ADCK1: variants seen among roughly 807,000 people sequenced by gnomAD.
The protein encoded by ADCK1 is aarF domain containing kinase 1.
ADCK1 carries 41 observed loss-of-function variants against 52.3 expected under a neutral mutation model. The observed-to-expected ratio is 0.78, with a 90% CI of 0.61 to 1.02. The LOEUF is 1.02. ADCK1 is among the 50% of genes least tolerant of loss of function. The probability of loss-of-function intolerance (pLI) is 0.00; values close to 1 mark genes in which losing one functional copy is unlikely to be tolerated. For missense variants in ADCK1, 658 were observed against 679.5 expected (o/e 0.97, Z 0.35); for synonymous variants, 250 against 274.6 (o/e 0.91, Z 0.89).
chr14:77,821,742 G>A (rs145848171), intron 2 of ADCK1, among the ~76,000 whole-genome samples: 174 of 151,928 alleles, frequency 1.1e-3, no homozygotes, highest in African/African-American at 4.1e-3. Context: ...TTAGCCGAGT[G>A]TGGTGGCATG....
intron 3 of ADCK1, among the ~76,000 whole-genome samples, chr14:77,836,329 A>G (rs763293690): frequency 2.0e-5 from 3 of 152,258 alleles, no homozygotes; most frequent in Non-Finnish European, 4.4e-5. Context: ...GGATTTTGTT[A>G]TAGAAGCACA....
chr14:77,863,233 T>C (rs2082589585), intron 4 of ADCK1, among the ~76,000 whole-genome samples: 1 of 152,240 alleles, frequency 6.6e-6, no homozygotes, highest in East Asian at 1.9e-4. Context: ...GACTGAGATA[T>C]ACGGAGTGGG....
At chr14:77,803,241 G>A (rs1460889001) in intron 1 of ADCK1, among the ~76,000 whole-genome samples, 1 of 152,072 alleles carries the variant, frequency 6.6e-6, no homozygotes, top group East Asian at 1.9e-4. Flanking sequence ...TGGTATAATA[G>A]TCTCTCTAGG....
chr14:77,815,292 A>G lies in ADCK1; in HGVS notation c.-11-3676A>G, dbSNP rs944615290. 4.1e-5 allele frequency among the ~76,000 whole-genome samples: 6 copies of G among 146,660 alleles called. No individual in the cohort carries two copies. The Admixed American group carries it at 4.2e-4, about 10-fold the overall frequency. On this transcript the variant is annotated intron_variant, in intron 1 of 10. Coordinates refer to ENST00000238561, the MANE Select transcript of ADCK1 (RefSeq NM_020421.4). ...GATCATGGCTCATTTCAGCCTCGAG[A>G]CCTCCTAGGCTCAAGGGATCCTCCC...
intron 6 of ADCK1, 78 bp downstream of exon 6, chr14:77,899,336 T>C: frequency 6.4e-7 from 1 of 1,558,212 alleles, no homozygotes; most frequent in Non-Finnish European, 8.8e-7. Context: ...GCCTTGAGCA[T>C]CCCTTTCAGG....
chr14:77,892,010 C>G (rs978951504), intron 5 of ADCK1, among the ~76,000 whole-genome samples: 1 of 152,174 alleles, frequency 6.6e-6, no homozygotes, highest in African/African-American at 2.4e-5. Flanking sequence ...CTACCAGAAA[C>G]TTAGGGACAG....
At chr14:77,831,692 C>T (rs1392409140) in intron 3 of ADCK1, among the ~76,000 whole-genome samples, 2 of 151,776 alleles carry the variant, frequency 1.3e-5, no homozygotes, top group Non-Finnish European at 2.9e-5. Context: ...TCAAGCAGTC[C>T]TCTTGCCTTG....
chr14:77,835,089 T>C (rs1242176764), intron 3 of ADCK1, among the ~76,000 whole-genome samples: 2 of 152,132 alleles, frequency 1.3e-5, no homozygotes, highest in Non-Finnish European at 2.9e-5. Context: ...AGATGCGGGG[T>C]AGGCATAAGC....
At chr14:77,858,872 T>C (rs2082480091) in intron 3 of ADCK1, among the ~76,000 whole-genome samples, 1 of 152,040 alleles carries the variant, frequency 6.6e-6, no homozygotes, top group Non-Finnish European at 1.5e-5. Context: ...GCGGCCTCTG[T>C]ATGAGGTTGG....
chr14:77,842,663 G>C (rs1001452904), intron 3 of ADCK1, among the ~76,000 whole-genome samples: 2 of 151,698 alleles, frequency 1.3e-5, no homozygotes, highest in African/African-American at 4.8e-5. Flanking sequence ...CAAATCTCCT[G>C]CCTCAGCCTC....
At chr14:77,904,476 C>T (rs1270685729) in intron 6 of ADCK1, among the ~76,000 whole-genome samples, 1 of 152,226 alleles carries the variant, frequency 6.6e-6, no homozygotes, top group Non-Finnish European at 1.5e-5. Context: ...GACTCAGGCT[C>T]CAGGAGGACT....
In ADCK1 at chr14:77,933,695, T is replaced by C. The variant is rs1452042887; in HGVS notation, c.*304T>C. The C allele has an allele frequency of 1.2e-5, 4 of 321,172 alleles. No individual in the cohort carries two copies. The highest frequency in any genetic ancestry group is 2.3e-5 in the Non-Finnish European group (4 of 173,266). The allele number at this position is 321,172 out of a possible 1,614,324, so 19.9% of individuals were successfully genotyped here. On this transcript the variant is annotated 3_prime_UTR_variant, in exon 11 of 11. Coordinates refer to ENST00000238561, the MANE Select transcript of ADCK1 (RefSeq NM_020421.4). ...CCACTACTTCCGTTAACCCTTCCCA[T>C]TGTCAAGATGTGCCACGGGTGCCAC...
At chr14:77,867,681 C>T (rs920971001) in intron 4 of ADCK1, among the ~76,000 whole-genome samples, 6 of 152,182 alleles carry the variant, frequency 3.9e-5, no homozygotes, top group Non-Finnish European at 7.3e-5. Flanking sequence ...GCTGATGCCC[C>T]ATCTGGCCCG....
At chr14:77,891,192 G>A (rs1019730747) in intron 5 of ADCK1, among the ~76,000 whole-genome samples, 1 of 152,188 alleles carries the variant, frequency 6.6e-6, no homozygotes, top group Non-Finnish European at 1.5e-5. Context: ...GACTCGAGGT[G>A]GGTGAAGGTT....
At chr14:77,865,458 G>A (rs2082642132) in intron 4 of ADCK1, among the ~76,000 whole-genome samples, 1 of 152,188 alleles carries the variant, frequency 6.6e-6, no homozygotes, top group Admixed American at 6.5e-5. Flanking sequence ...ACTCCAGCCT[G>A]GGTGACAGAG....
intron 3 of ADCK1, among the ~76,000 whole-genome samples, chr14:77,824,381 A>G (rs78782819): frequency 0.021 from 3,203 of 152,050 alleles, 45 homozygotes; most frequent in Middle Eastern, 0.034. Flanking sequence ...TAGATAGTCC[A>G]TATTCAATTT....
At chr14:77,924,154 G>A in intron 7 of ADCK1, 1 of 281,046 alleles carries the variant, frequency 3.6e-6, no homozygotes, top group Non-Finnish European at 6.7e-6. Flanking sequence ...TCGGGGGGCG[G>A]GTGTGGGAGG....
At chr14:77,801,133 G>A (rs142463179) in intron 1 of ADCK1, among the ~76,000 whole-genome samples, 43 of 152,296 alleles carry the variant, frequency 2.8e-4, no homozygotes, top group Middle Eastern at 6.8e-3. Flanking sequence ...ACTTTAGCAT[G>A]CACCAGAGTC....
intron 6 of ADCK1, among the ~76,000 whole-genome samples, chr14:77,901,980 G>T (rs2083558086): frequency 6.6e-6 from 1 of 152,168 alleles, no homozygotes; most frequent in African/African-American, 2.4e-5. Context: ...TCCATGTGCA[G>T]GTTCTAGAGC....
Sources: allele counts gnomAD v4.1 joint callset (sites outside exome capture counted in the v4.1 genomes callset), GRCh38; gene constraint gnomAD v4.1.1; transcripts MANE v1.5; gene names NCBI Gene and HGNC (gene_info 2026-07-23, HGNC 2026-07-21).